Variants in KCNMA1 observed in about 807,000 individuals in gnomAD.
KCNMA1 encodes the protein Calcium-activated potassium channel subunit alpha-1.
KCNMA1 carries 29 observed loss-of-function variants against 140.0 expected under a neutral mutation model. That is an observed-to-expected ratio of 0.21 (90% CI 0.15 to 0.28). The LOEUF is 0.28. Among genes scored for constraint, KCNMA1 ranks in the 10% least tolerant of loss-of-function variants. The pLI is 1.00. For synonymous variants in KCNMA1, 612 were observed against 611.9 expected (o/e 1.00, Z 0.00); for missense variants, 880 against 1,602.2 (o/e 0.55, Z 7.70).
chr10:77,001,664 C>G, intron 18 of KCNMA1, 84 bp from the exon 19 acceptor site: 2 of 1,142,822 alleles, frequency 1.8e-6, no homozygotes, highest in Non-Finnish European at 2.5e-6. Flanking sequence ...TGGAAGGGAG[C>G]TGAAGGGATT....
intron 3 of KCNMA1, among the ~76,000 whole-genome samples, chr10:77,205,680 C>G (rs529404169): frequency 6.6e-6 from 1 of 152,302 alleles, no homozygotes; most frequent in Non-Finnish European, 1.5e-5. Flanking sequence ...GGAAGTCCAT[C>G]TGAACCAAGT....
chr10:77,296,043 C>G (rs557419137), intron 2 of KCNMA1, among the ~76,000 whole-genome samples: 1 of 152,112 alleles, frequency 6.6e-6, no homozygotes, highest in East Asian at 1.9e-4. Context: ...AAAATAATGA[C>G]CCTCAAAGAT....
chr10:76,951,977 C>T, intron 21 of KCNMA1: 3 of 1,468,898 alleles, frequency 2.0e-6, no homozygotes, highest in Non-Finnish European at 2.8e-6. Flanking sequence ...ACATAGTAGG[C>T]CTCCTGGAGA....
intron 2 of KCNMA1, among the ~76,000 whole-genome samples, chr10:77,280,690 C>CTT (rs36008118): frequency 2.0e-4 from 27 of 134,290 alleles, no homozygotes; most frequent in African/African-American, 7.5e-4. Flanking sequence ...CCATGCCTGG[C>CTT]TTTTTTTTTT....
intron 1 of KCNMA1, among the ~76,000 whole-genome samples, chr10:77,512,577 C>T (rs1021528643): frequency 6.6e-6 from 1 of 152,086 alleles, no homozygotes; most frequent in African/African-American, 2.4e-5. Flanking sequence ...GGAATGTAAC[C>T]CCTAAAGATA....
chr10:76,902,759 C>A lies in KCNMA1; in HGVS notation c.3147+7207G>T, dbSNP rs150427829. 1.3e-3 allele frequency: 197 copies of A among 152,252 alleles called. 3 individuals carry two copies. Among genetic ancestry groups the A allele is most frequent in the African/African-American group, 4.3e-3 (177 of 41,532 alleles). The allele number at this position is 152,252 out of a possible 1,614,324, so 9.4% of individuals were successfully genotyped here. A position where few individuals can be genotyped will look rare whatever the true frequency, so the allele number is the denominator to read the frequency against. On this transcript the variant is annotated intron_variant, in intron 25 of 27. Coordinates refer to ENST00000286628, the MANE Select transcript of KCNMA1 (RefSeq NM_001161352.2). ...GCACAACAATGAAAAAGTTGCCTAA[C>A]TTTTCTCTGCCTTGAATTCCTCATC...
chr10:77,165,417 A>G (rs2098629839), intron 5 of KCNMA1, among the ~76,000 whole-genome samples: 1 of 152,192 alleles, frequency 6.6e-6, no homozygotes, highest in African/African-American at 2.4e-5. Context: ...GAATCCATAC[A>G]TTTGTTCATT....
At chr10:77,550,326 G>T (rs913888873) in intron 1 of KCNMA1, among the ~76,000 whole-genome samples, 2 of 152,154 alleles carry the variant, frequency 1.3e-5, no homozygotes, top group African/African-American at 2.4e-5. Context: ...GCACCTGCTG[G>T]GTAGACTTCC....
At chr10:77,465,621 G>T (rs1223440690) in intron 1 of KCNMA1, among the ~76,000 whole-genome samples, 1 of 152,114 alleles carries the variant, frequency 6.6e-6, no homozygotes, top group African/African-American at 2.4e-5. Flanking sequence ...ATTGAATAAG[G>T]TTAACATATA....
At chr10:77,538,663 C>T (rs1192694373) in intron 1 of KCNMA1, among the ~76,000 whole-genome samples, 1 of 152,096 alleles carries the variant, frequency 6.6e-6, no homozygotes, top group African/African-American at 2.4e-5. Context: ...ATGGTGAGTC[C>T]CATCTATGAT....
chr10:77,248,516 G>A (rs2059056285), intron 3 of KCNMA1, among the ~76,000 whole-genome samples: 1 of 152,118 alleles, frequency 6.6e-6, no homozygotes. Context: ...GGAGAATTCT[G>A]GGTGCTTTTT....
intron 14 of KCNMA1, among the ~76,000 whole-genome samples, chr10:77,068,552 T>C (rs2096049529): frequency 6.6e-6 from 1 of 151,846 alleles, no homozygotes; most frequent in South Asian, 2.1e-4. Flanking sequence ...TTATCGATAT[T>C]AAGTAACATT....
At chr10:77,225,538 T>C (rs2051052936) in intron 3 of KCNMA1, among the ~76,000 whole-genome samples, 1 of 152,186 alleles carries the variant, frequency 6.6e-6, no homozygotes, top group Non-Finnish European at 1.5e-5. Context: ...TTCTCCCACC[T>C]GAGAGCCTCC....
At chr10:77,021,271 T>C (rs561131295) in intron 16 of KCNMA1, among the ~76,000 whole-genome samples, 2 of 152,328 alleles carry the variant, frequency 1.3e-5, no homozygotes, top group East Asian at 1.9e-4. Context: ...GCTTTGCAAA[T>C]GCAGGTAAGC....
intron 2 of KCNMA1, among the ~76,000 whole-genome samples, chr10:77,347,157 C>T (rs1020755996): frequency 3.3e-5 from 5 of 152,102 alleles, no homozygotes; most frequent in African/African-American, 9.7e-5. Context: ...AGATCATTTT[C>T]GTAAAGCACC....
chr10:77,317,091 G>A (rs755288388), intron 2 of KCNMA1, among the ~76,000 whole-genome samples: 8 of 152,254 alleles, frequency 5.3e-5, no homozygotes, highest in East Asian at 3.9e-4. Flanking sequence ...ACAGCGTCAC[G>A]TACCTGTAGT....
intron 1 of KCNMA1, among the ~76,000 whole-genome samples, chr10:77,548,681 T>C (rs2062008506): frequency 1.3e-5 from 2 of 152,216 alleles, no homozygotes; most frequent in Admixed American, 1.3e-4. Context: ...CTCAGGGTCT[T>C]GCCCCAGCTC....
rs114794871 is a variant in KCNMA1 at position 77,074,557 on chromosome 10, G to A, written c.1594-1305C>T. On this transcript the variant is annotated intron_variant, in intron 13 of 27. Coordinates refer to ENST00000286628, the MANE Select transcript of KCNMA1 (RefSeq NM_001161352.2). ...GGATGGTTACATCTGAATACTTCAG[G>A]TGCTGCTGTGTACAAGATTAGGTTT... Among the ~76,000 whole-genome samples the A allele has an allele frequency of 8.3e-3, 1,269 of 152,308 alleles. 20 individuals carry two copies. The highest frequency in any genetic ancestry group is 0.029 in the African/African-American group (1,215 of 41,570).
At chr10:77,109,257 C>A (rs1272509174) in intron 8 of KCNMA1, among the ~76,000 whole-genome samples, 2 of 152,170 alleles carry the variant, frequency 1.3e-5, no homozygotes, top group South Asian at 4.1e-4. Flanking sequence ...CATGCATGTG[C>A]ACATTTATAT....
Sources: allele counts gnomAD v4.1 joint callset (sites outside exome capture counted in the v4.1 genomes callset), GRCh38; gene constraint gnomAD v4.1.1; transcripts MANE v1.5; gene names NCBI Gene and HGNC (gene_info 2026-07-23, HGNC 2026-07-21).